Variants in DCAF5 observed in about 807,000 individuals in gnomAD.
DCAF5 encodes the protein DDB1- and CUL4-associated factor 5.
A neutral mutation model predicts 80.7 loss-of-function variants in DCAF5; 9 were observed. That is an observed-to-expected ratio of 0.11 (90% CI 0.07 to 0.19). The LOEUF (loss-of-function observed/expected upper bound fraction) is 0.19. Among genes scored for constraint, DCAF5 ranks in the 10% least tolerant of loss-of-function variants. The pLI is 1.00. For synonymous variants in DCAF5, 433 were observed against 461.9 expected, an observed-to-expected ratio of 0.94 and a Z score of 0.80; for missense variants, 842 against 1,205.7, an observed-to-expected ratio of 0.70 and a Z score of 4.47.
chr14:69,092,207 C>A (rs941873220), intron 5 of DCAF5, among the ~76,000 whole-genome samples: 1 of 152,108 alleles, frequency 6.6e-6, no homozygotes, highest in African/African-American at 2.4e-5. Flanking sequence ...ACTGCACAAC[C>A]AAAAGCATAC....
chr14:69,059,558 A>T (rs2038121625), intron 8 of DCAF5, among the ~76,000 whole-genome samples: 1 of 152,240 alleles, frequency 6.6e-6, no homozygotes, highest in East Asian at 1.9e-4. Flanking sequence ...AGACAGAACC[A>T]AGGGTCGAGA....
At chr14:69,148,768 T>C (rs937501553) in intron 1 of DCAF5, among the ~76,000 whole-genome samples, 4 of 152,230 alleles carry the variant, frequency 2.6e-5, no homozygotes, top group Admixed American at 2.0e-4. Flanking sequence ...TAACATTTCA[T>C]TGACCATTCA....
At chr14:69,105,847 T>G (rs2040118839) in intron 5 of DCAF5, among the ~76,000 whole-genome samples, 1 of 143,856 alleles carries the variant, frequency 7.0e-6, no homozygotes, top group South Asian at 2.3e-4. Flanking sequence ...TTTCCCATTC[T>G]TCAGCTTGCA....
intron 5 of DCAF5, among the ~76,000 whole-genome samples, chr14:69,112,052 G>C (rs1473673368): frequency 6.6e-6 from 1 of 152,202 alleles, no homozygotes; most frequent in Non-Finnish European, 1.5e-5. Context: ...GACAATATCA[G>C]ATCTTTTGTC....
At chr14:69,116,215 G>T in intron 5 of DCAF5, 151 bp downstream of exon 5, 1 of 889,790 alleles carries the variant, frequency 1.1e-6, no homozygotes, top group Non-Finnish European at 1.7e-6. Context: ...TTGGAAACAA[G>T]CTCTCCTGGC....
chr14:69,123,645 A>G (rs1203845565), intron 1 of DCAF5, among the ~76,000 whole-genome samples: 1 of 152,122 alleles, frequency 6.6e-6, no homozygotes, highest in Non-Finnish European at 1.5e-5. Flanking sequence ...CATCATCCCA[A>G]ACTGAAATAC....
At chr14:69,061,826 A>C (rs1420184588) in intron 8 of DCAF5, among the ~76,000 whole-genome samples, 3 of 152,218 alleles carry the variant, frequency 2.0e-5, no homozygotes, top group Non-Finnish European at 2.9e-5. Flanking sequence ...TCTAGAAGAC[A>C]ACCTCTGTTT....
intron 8 of DCAF5, among the ~76,000 whole-genome samples, chr14:69,061,362 C>T (rs940958793): frequency 6.6e-6 from 1 of 152,124 alleles, no homozygotes; most frequent in African/African-American, 2.4e-5. Context: ...TCTCAGGGAC[C>T]TCAAGAATTA....
Position 69,054,480 on chromosome 14 carries a change from C to T in DCAF5, c.2206G>A (p.Glu736Lys). 1 of 1,614,124 alleles carries T rather than the reference C, an allele frequency of 6.2e-7. No individual in the cohort carries two copies. Among genetic ancestry groups the T allele is most frequent in the Non-Finnish European group, 8.5e-7 (1 of 1,180,016 alleles). Residue 736 changes from glutamate to lysine, a missense_variant, in exon 9 of 9, where the codon GAG becomes AAG. By Grantham distance (56) the Glu-to-Lys change is moderately conservative. This residue lies in a region of DCAF5 where 607 missense variants were observed against 656.6 expected (regional missense o/e 0.92). Coordinates refer to ENST00000341516, the MANE Select transcript of DCAF5 (RefSeq NM_003861.3). ...CCATTGCTGGGAGTTCTAGGAGTCTCTTCTTTAAAAGTGTCCTTGCTGCAG... is the reference window on the plus strand; with the variant it reads ...CCATTGCTGGGAGTTCTAGGAGTCTTTTCTTTAAAAGTGTCCTTGCTGCAG... ...EGCSKDTFKEETPRTPSNGPG... is the reference protein window; with the variant it reads ...EGCSKDTFKEKTPRTPSNGPG...
At chr14:69,107,270 C>A (rs2040194705) in intron 5 of DCAF5, among the ~76,000 whole-genome samples, 1 of 152,184 alleles carries the variant, frequency 6.6e-6, no homozygotes, top group South Asian at 2.1e-4. Context: ...GGAATGGACG[C>A]AAGCAATCTC....
intron 1 of DCAF5, among the ~76,000 whole-genome samples, chr14:69,141,992 T>C (rs1021275401): frequency 5.3e-5 from 8 of 152,164 alleles, no homozygotes; most frequent in African/African-American, 1.9e-4. Flanking sequence ...GAGAGGTATA[T>C]GATAGAATTT....
chr14:69,068,753 T>C (rs1290208708), intron 7 of DCAF5, among the ~76,000 whole-genome samples: 1 of 150,040 alleles, frequency 6.7e-6, no homozygotes, highest in African/African-American at 2.5e-5. Flanking sequence ...CTTTTCCTGG[T>C]ACATCTAAAA....
chr14:69,073,645 C>T (rs949744482), intron 7 of DCAF5, among the ~76,000 whole-genome samples: 3 of 151,998 alleles, frequency 2.0e-5, no homozygotes, highest in Admixed American at 1.3e-4. Context: ...GAGTGAGACC[C>T]TGTCTCTTAC....
chr14:69,074,929 G>A (rs1210439714), intron 7 of DCAF5, among the ~76,000 whole-genome samples: 1 of 151,952 alleles, frequency 6.6e-6, no homozygotes, highest in African/African-American at 2.4e-5. Flanking sequence ...AGCTACTCAG[G>A]AGGCTGAGGC....
At chr14:69,128,084 C>G (rs975580099) in intron 1 of DCAF5, among the ~76,000 whole-genome samples, 2 of 151,890 alleles carry the variant, frequency 1.3e-5, no homozygotes, top group African/African-American at 4.8e-5. Flanking sequence ...TCCTTTAAAA[C>G]TTTCCAGAAA....
intron 6 of DCAF5, among the ~76,000 whole-genome samples, chr14:69,088,442 C>T (rs550184965): frequency 2.6e-5 from 4 of 152,188 alleles, no homozygotes; most frequent in Non-Finnish European, 5.9e-5. Context: ...TCAGATATTT[C>T]ACACTTTATT....
chr14:69,059,292 C>T (rs1200316313), intron 8 of DCAF5, among the ~76,000 whole-genome samples: 4 of 152,044 alleles, frequency 2.6e-5, no homozygotes, highest in Admixed American at 2.0e-4. Flanking sequence ...CCTGTGTTGT[C>T]CCTGACAATA....
intron 6 of DCAF5, chr14:69,083,844 A>G: frequency 4.0e-6 from 3 of 741,138 alleles, no homozygotes; most frequent in Non-Finnish European, 7.5e-6. Flanking sequence ...TTGAGAAGCC[A>G]GATGATGAAG....
rs747168920 is a variant in DCAF5, at chr14:69,054,168, G to A, written c.2518C>T (p.Arg840Cys). The A allele has an allele frequency of 5.6e-6, 9 of 1,614,264 alleles. No homozygotes were observed. The highest frequency in any genetic ancestry group is 2.2e-5 in the East Asian group (1 of 44,884). ...ANHNNGRLHP[R>C]PPHPHNNGQN... is the part of the protein sequence containing the mutation. ...CCGTTATTGTGAGGGTGAGGGGGAC[G>A]AGGGTGTAAGCGTCCATTGTTGTGG... is the stretch of plus-strand genomic sequence containing the variant. The change falls in exon 9 of 9, where the codon CGT (arginine) becomes TGT (cysteine). Residue 840 changes from arginine (R) to cysteine (C), a missense_variant. Around this residue, in one of 5 missense-constraint regions of DCAF5, gnomAD observed 607 missense variants for 656.6 expected, o/e 0.92. Coordinates refer to ENST00000341516, the MANE Select transcript of DCAF5 (RefSeq NM_003861.3).
Sources: allele counts gnomAD v4.1 joint callset (sites outside exome capture counted in the v4.1 genomes callset), GRCh38; gene constraint gnomAD v4.1.1; regional missense constraint gnomAD v4.1.1; transcripts MANE v1.5; gene names NCBI Gene and HGNC (gene_info 2026-07-23, HGNC 2026-07-21).